The following VPS13B variants were observed in gnomAD, a reference collection of about 807,000 sequenced individuals.
VPS13B encodes intermembrane lipid transfer protein VPS13B.
In VPS13B, 285 loss-of-function variants were observed where a neutral mutation model predicts 426.4. That is an observed-to-expected ratio of 0.67 (90% CI 0.61 to 0.74). VPS13B has a LOEUF of 0.74. Ranked by LOEUF, VPS13B falls within the 30% of genes least tolerant of loss-of-function variation. VPS13B has a pLI of 0.00. For missense variants in VPS13B, 4,537 were observed against 4,782.6 expected (o/e 0.95, Z 1.51); for synonymous variants, 1,676 against 1,676.4 (o/e 1.00, Z 0.01).
intron 8 of VPS13B, 153 bp downstream of exon 8, chr8:99,121,598 C>T (rs191844317): frequency 6.9e-7 from 1 of 1,442,516 alleles, no homozygotes; most frequent in East Asian, 2.4e-5. Context: ...TACATGGCTC[C>T]TCCACTTGAA....
intron 3 of VPS13B, among the ~76,000 whole-genome samples, chr8:99,081,311 T>A (rs528576186): frequency 1.3e-5 from 2 of 152,340 alleles, no homozygotes; most frequent in South Asian, 4.1e-4. Flanking sequence ...TTCTCTTTTT[T>A]ATGTTATTGC....
intron 35 of VPS13B, among the ~76,000 whole-genome samples, chr8:99,685,142 A>G (rs2084554): frequency 0.07 from 10,656 of 152,298 alleles, 563 homozygotes; most frequent in African/African-American, 0.14. Context: ...TTTTCCTTTC[A>G]GGAAAGAGAT....
chr8:99,397,199 G>C (rs909686978), intron 21 of VPS13B, among the ~76,000 whole-genome samples: 4 of 152,160 alleles, frequency 2.6e-5, no homozygotes, highest in African/African-American at 9.7e-5. Context: ...AGGCTGGAGT[G>C]CAGTGACGTG....
chr8:99,064,173 AT>A (rs1844348021), intron 3 of VPS13B, among the ~76,000 whole-genome samples: 1 of 152,220 alleles, frequency 6.6e-6, no homozygotes, highest in Non-Finnish European at 1.5e-5. Context: ...AAAGCTGAAA[AT>A]TCTAAAAACC....
chr8:99,045,815 C>T (rs1843215638), intron 3 of VPS13B, among the ~76,000 whole-genome samples: 1 of 152,076 alleles, frequency 6.6e-6, no homozygotes, highest in Non-Finnish European at 1.5e-5. Context: ...CCTTTCCCCA[C>T]TTTATGTGTT....
chr8:99,441,492 A>G (rs1817674070), intron 22 of VPS13B, among the ~76,000 whole-genome samples: 1 of 152,136 alleles, frequency 6.6e-6, no homozygotes, highest in African/African-American at 2.4e-5. Context: ...TAGGAAATCA[A>G]CCAATCATAG....
At chr8:99,821,269 T>C (rs1278852826) in intron 49 of VPS13B, 25 bp from the exon 50 acceptor site, 5 of 1,612,162 alleles carry the variant, frequency 3.1e-6, no homozygotes, top group African/African-American at 2.7e-5. Context: ...AAAATTACTT[T>C]ATAATTGAGG....
chr8:99,488,348 A>G (rs1284067432), intron 25 of VPS13B, among the ~76,000 whole-genome samples: 1 of 152,154 alleles, frequency 6.6e-6, no homozygotes, highest in African/African-American at 2.4e-5. Context: ...GTAACCCTTC[A>G]AACAAAAAAA....
chr8:99,829,697 G>T (rs943464812), intron 51 of VPS13B, among the ~76,000 whole-genome samples: 7 of 152,182 alleles, frequency 4.6e-5, no homozygotes, highest in African/African-American at 1.7e-4. Context: ...GGAATTTTCA[G>T]CCTTTTTGTG....
intron 39 of VPS13B, among the ~76,000 whole-genome samples, chr8:99,751,017 T>C (rs1165398971): frequency 6.6e-6 from 1 of 152,136 alleles, no homozygotes; most frequent in Non-Finnish European, 1.5e-5. Flanking sequence ...CTTAGGAATG[T>C]TGATGGAATT....
At chr8:99,756,068 C>T (rs981772524) in intron 39 of VPS13B, among the ~76,000 whole-genome samples, 5 of 151,694 alleles carry the variant, frequency 3.3e-5, no homozygotes, top group Admixed American at 6.6e-5. Context: ...TAAATGTATT[C>T]AAAGAACTAA....
chr8:99,619,005 T>G (rs1828232117), intron 33 of VPS13B, among the ~76,000 whole-genome samples: 1 of 152,182 alleles, frequency 6.6e-6, no homozygotes, highest in South Asian at 2.1e-4. Flanking sequence ...GCTGCTTTCC[T>G]CATGGTGGTG....
chr8:99,413,980 C>G (rs914911379), intron 21 of VPS13B, among the ~76,000 whole-genome samples: 2 of 152,080 alleles, frequency 1.3e-5, no homozygotes, highest in Non-Finnish European at 2.9e-5. Flanking sequence ...CCTGAATATC[C>G]TTGTTAATTT....
Position 99,349,702 on chromosome 8 carries a change from T to C in VPS13B, c.2825-34506T>C, listed in dbSNP as rs186909258. On this transcript the variant is annotated intron_variant, in intron 19 of 61. Transcript: ENST00000357162. ...AATATATAATTATAGATACATACTT[T>C]TCTATAATCGTTGAAAAAAGTCTTC... Among the ~76,000 whole-genome samples, 953 of 152,332 alleles carry C rather than the reference T, an allele frequency of 6.3e-3. 8 individuals are homozygous for C. Among genetic ancestry groups the C allele is most frequent in the African/African-American group, 0.022 (894 of 41,576 alleles).
intron 39 of VPS13B, among the ~76,000 whole-genome samples, chr8:99,759,051 T>G (rs1810784500): frequency 6.6e-6 from 1 of 152,136 alleles, no homozygotes; most frequent in Non-Finnish European, 1.5e-5. Flanking sequence ...TCATCCCTCT[T>G]TGTTGTTGCC....
At chr8:99,746,665 G>T (rs1228712114) in intron 39 of VPS13B, among the ~76,000 whole-genome samples, 1 of 152,112 alleles carries the variant, frequency 6.6e-6, no homozygotes, top group Non-Finnish European at 1.5e-5. Context: ...TAGTAAGTGA[G>T]CCCAGTTCTG....
chr8:99,135,469 A>G, intron 10 of VPS13B, 127 bp from the exon 11 acceptor site: 10 of 1,265,194 alleles, frequency 7.9e-6, no homozygotes, highest in Non-Finnish European at 9.9e-6. Context: ...GAGCAGCAGC[A>G]TTCCTTATCT....
chr8:99,745,901 A>G (rs1014774405), intron 39 of VPS13B, among the ~76,000 whole-genome samples: 1 of 152,054 alleles, frequency 6.6e-6, no homozygotes, highest in African/African-American at 2.4e-5. Context: ...ATATCATATT[A>G]TACTCTATCT....
At chr8:99,700,984 G>T (rs1832254266) in intron 36 of VPS13B, among the ~76,000 whole-genome samples, 1 of 152,254 alleles carries the variant, frequency 6.6e-6, no homozygotes, top group East Asian at 1.9e-4. Flanking sequence ...TTATCAAAAA[G>T]TAATTAAATT....
Sources: allele counts gnomAD v4.1 joint callset (sites outside exome capture counted in the v4.1 genomes callset), GRCh38; gene constraint gnomAD v4.1.1; transcripts MANE v1.5; gene names NCBI Gene and HGNC (gene_info 2026-07-23, HGNC 2026-07-21).